Variants in NF1 observed in about 807,000 individuals in gnomAD.
NF1 encodes the protein neurofibromin 1.
In NF1, 122 loss-of-function variants were observed where a neutral mutation model predicts 325.7. That is an observed-to-expected ratio of 0.37 (90% CI 0.32 to 0.44). The LOEUF (loss-of-function observed/expected upper bound fraction) is 0.44. NF1 is among the 20% of genes least tolerant of loss of function. The pLI is 1.00. For missense variants in NF1, 2,140 were observed against 3,415.4 expected, an observed-to-expected ratio of 0.63 and a Z score of 9.31; for synonymous variants, 1,091 against 1,186.0, an observed-to-expected ratio of 0.92 and a Z score of 1.65.
chr17:31,330,366 G>C lies in NF1; in HGVS notation c.5680G>C (p.Glu1894Gln), dbSNP rs774893767. The change falls in exon 39 of 58, where the codon GAG (glutamate) becomes CAG (glutamine). Residue 1894 changes from glutamate (E) to glutamine (Q), a missense_variant. By Grantham distance (29) the Glu-to-Gln change is conservative. Coordinates refer to ENST00000358273, the MANE Select transcript of NF1 (RefSeq NM_001042492.3). ...TTTAAAAATCGAGGGCCAGTTACTAGAGACATCAGGTTTATGTATCCCTGC... is the reference window on the plus strand; with the variant it reads ...TTTAAAAATCGAGGGCCAGTTACTACAGACATCAGGTTTATGTATCCCTGC... ...FNLKIEGQLL[E>Q]TSGLCIPANN... The C allele has an allele frequency of 2.5e-6, 4 of 1,614,000 alleles. No individual in the cohort carries two copies. In the South Asian group the frequency reaches 4.4e-5, roughly 18 times the overall value.
At chr17:31,225,833 TATG>T (rs1008780906) in intron 17 of NF1, among the ~76,000 whole-genome samples, 3 of 152,322 alleles carry the variant, frequency 2.0e-5, no homozygotes, top group African/African-American at 7.2e-5. Flanking sequence ...ACCTAAGCAG[TATG>T]ATATTTACTA....
intron 36 of NF1, among the ~76,000 whole-genome samples, chr17:31,310,535 T>A (rs2151516114): frequency 6.6e-6 from 1 of 152,214 alleles, no homozygotes; most frequent in Admixed American, 6.5e-5. Flanking sequence ...AAGAGGAGCT[T>A]GCTTTCTAAA....
intron 1 of NF1, among the ~76,000 whole-genome samples, chr17:31,109,047 A>G (rs1913165425): frequency 6.6e-6 from 1 of 152,258 alleles, no homozygotes; most frequent in African/African-American, 2.4e-5. Context: ...ATAAGTGCTA[A>G]CAACTCATGC....
chr17:31,111,385 C>G (rs770543730), intron 1 of NF1, among the ~76,000 whole-genome samples: 2 of 152,012 alleles, frequency 1.3e-5, no homozygotes, highest in Non-Finnish European at 2.9e-5. Context: ...AGGCATCAAC[C>G]TATAAATTCA....
chr17:31,184,631 C>CAG (rs1341037830), intron 8 of NF1, among the ~76,000 whole-genome samples: 4 of 135,398 alleles, frequency 3.0e-5, no homozygotes, highest in Non-Finnish European at 3.1e-5. Flanking sequence ...GCCTGGGCGA[C>CAG]AGCGAGACTC....
At chr17:31,304,981 A>G (rs1183594929) in intron 36 of NF1, 3 of 1,614,206 alleles carry the variant, frequency 1.9e-6, no homozygotes, top group Admixed American at 1.7e-5. Flanking sequence ...AGTCAGAAGT[A>G]CACCAATTAG....
chr17:31,149,366 T>C (rs1300703422), intron 1 of NF1, among the ~76,000 whole-genome samples: 4 of 151,892 alleles, frequency 2.6e-5, no homozygotes, highest in Non-Finnish European at 5.9e-5. Context: ...GCAGTGGGGC[T>C]TAGCTCACTG....
At chr17:31,308,632 G>C (rs971923385) in intron 36 of NF1, among the ~76,000 whole-genome samples, 1 of 108,592 alleles carries the variant, frequency 9.2e-6, no homozygotes, top group Admixed American at 8.4e-5. Context: ...TCTCAAGGGT[G>C]TTCTTTTTTT....
At position 31,336,799 on chromosome 17, in the gene NF1, C is replaced by G. The variant is rs780728198; in HGVS notation, c.6312C>G (p.Phe2104Leu). The G allele has an allele frequency of 1.2e-6, 2 of 1,614,080 alleles. No homozygotes were observed. Among genetic ancestry groups the G allele is most frequent in the Non-Finnish European group, 1.7e-6 (2 of 1,180,020 alleles). Residue 2104 changes from phenylalanine to leucine, a missense_variant, in exon 42 of 58, where the codon TTC becomes TTG. By Grantham distance (22) the Phe-to-Leu change is conservative. Around this residue, in one of 10 missense-constraint regions of NF1, gnomAD observed 180 missense variants for 435.1 expected, o/e 0.41. Coordinates refer to ENST00000358273, the MANE Select transcript of NF1 (RefSeq NM_001042492.3). The surrounding 1 kb of genome is among the most constrained non-coding windows in gnomAD (Gnocchi z 5.5). Reference protein sequence around the residue: ...LDVAAHLPYLFHVVTFLVATG... With the variant: ...LDVAAHLPYLLHVVTFLVATG... ...TGGCAGCTCATCTTCCCTACCTCTT[C>G]CACGTTGTTACTTTCTTAGTAGCCA... is the stretch of plus-strand genomic sequence containing the variant.
chr17:31,165,763 C>T (rs1597639079), intron 4 of NF1, among the ~76,000 whole-genome samples: 1 of 152,298 alleles, frequency 6.6e-6, no homozygotes, highest in East Asian at 1.9e-4. Context: ...GAACATGTCT[C>T]ACTGCAGCCT....
chr17:31,118,169 G>A (rs945616148), intron 1 of NF1, among the ~76,000 whole-genome samples: 2 of 152,126 alleles, frequency 1.3e-5, no homozygotes, highest in African/African-American at 2.4e-5. Flanking sequence ...AAGAATTTTT[G>A]TGCCTAGAAA....
chr17:31,177,280 G>T (rs369411439), intron 5 of NF1, among the ~76,000 whole-genome samples: 28 of 152,160 alleles, frequency 1.8e-4, no homozygotes, highest in Admixed American at 1.3e-4. Context: ...GGCAAACAGG[G>T]TCTGGAGTGG....
chr17:31,318,766 A>G (rs764411984), intron 36 of NF1: 2 of 1,614,078 alleles, frequency 1.2e-6, no homozygotes, highest in Admixed American at 3.3e-5. Context: ...TAAAGCTACG[A>G]TGTGAGATGT....
intron 36 of NF1, among the ~76,000 whole-genome samples, chr17:31,287,669 C>T (rs1277149335): frequency 5.9e-5 from 9 of 152,096 alleles, no homozygotes; most frequent in Admixed American, 5.9e-4. Context: ...AAGCCATCCT[C>T]CCACCTCAGC....
intron 36 of NF1, among the ~76,000 whole-genome samples, chr17:31,275,696 G>A (rs2067993860): frequency 6.6e-6 from 1 of 152,122 alleles, no homozygotes; most frequent in Non-Finnish European, 1.5e-5. Context: ...GTTTCTTCAA[G>A]CTCCACTCAT....
chr17:31,156,746 C>T lies in NF1; in HGVS notation c.204+620C>T, dbSNP rs147720120. Among the ~76,000 whole-genome samples the T allele has an allele frequency of 7.2e-4, 109 of 152,240 alleles. 1 individual carries two copies. Among genetic ancestry groups the T allele is most frequent in the African/African-American group, 2.5e-3 (103 of 41,538 alleles). ...CTTTCTTCTTCCCATTTTCTAAAAT[C>T]GATTGACGTTTCCTAGACTTCAGAG... On this transcript the variant is annotated intron_variant, in intron 2 of 57. Coordinates refer to ENST00000358273, the MANE Select transcript of NF1 (RefSeq NM_001042492.3).
chr17:31,156,951 G>A (rs1361189951), intron 2 of NF1, among the ~76,000 whole-genome samples: 3 of 151,958 alleles, frequency 2.0e-5, no homozygotes, highest in African/African-American at 7.3e-5. Flanking sequence ...ACTCTCTGCT[G>A]GTGTTTAGCA....
chr17:31,118,221 A>G (rs1484362707), intron 1 of NF1, among the ~76,000 whole-genome samples: 1 of 151,986 alleles, frequency 6.6e-6, no homozygotes, highest in Non-Finnish European at 1.5e-5. Flanking sequence ...ATTTGAAACA[A>G]TCACAAATTA....
intron 36 of NF1, among the ~76,000 whole-genome samples, chr17:31,291,005 G>GAAAT (rs35278712): frequency 0.079 from 11,724 of 149,162 alleles, 521 homozygotes; most frequent in Non-Finnish European, 0.1. Flanking sequence ...GACTCTGTAT[G>GAAAT]AAATAAATAA....
Sources: gnomAD v4.1 joint callset for allele counts (sites outside exome capture counted in the v4.1 genomes callset) on GRCh38, gnomAD v4.1.1 for gene constraint, gnomAD v4.1.1 regional missense constraint, Gnocchi (gnomAD v3.1) non-coding constraint, MANE v1.5 for transcripts, NCBI Gene and HGNC (gene_info 2026-07-23, HGNC 2026-07-21) for gene names.